PACRG: variants seen among roughly 807,000 people sequenced by gnomAD.
PACRG encodes the protein parkin coregulated gene protein.
A neutral mutation model predicts 29.7 loss-of-function variants in PACRG; 29 were observed. That is an observed-to-expected ratio of 0.98 (90% CI 0.73 to 1.33). The LOEUF (loss-of-function observed/expected upper bound fraction) is 1.33, where lower values mean the gene tolerates loss of function less well. PACRG is among the 40% of genes most tolerant of loss of function. The probability of loss-of-function intolerance (pLI) is 0.00; values close to 1 mark genes in which losing one functional copy is unlikely to be tolerated. For missense variants in PACRG, 279 were observed against 316.2 expected (o/e 0.88, Z 0.89); for synonymous variants, 116 against 118.7 (o/e 0.98, Z 0.15).
At chr6:162,854,106 C>G in intron 2 of PACRG, among the ~76,000 whole-genome samples, 1 of 150,144 alleles carries the variant, frequency 6.7e-6, no homozygotes, top group African/African-American at 2.4e-5. Flanking sequence ...TTGTATTTGC[C>G]TTATATATTT....
chr6:163,174,995 C>A (rs1252030893), intron 4 of PACRG, among the ~76,000 whole-genome samples: 3 of 152,196 alleles, frequency 2.0e-5, no homozygotes, highest in African/African-American at 4.8e-5. Flanking sequence ...GAAATATCAA[C>A]CAGGTGGACT....
At chr6:162,789,247 G>C (rs2128324014) in intron 1 of PACRG, among the ~76,000 whole-genome samples, 1 of 152,206 alleles carries the variant, frequency 6.6e-6, no homozygotes, top group South Asian at 2.1e-4. Context: ...TAAAAGCTTG[G>C]AACAATTTTC....
chr6:163,159,756 C>T (rs1306003430), intron 4 of PACRG, among the ~76,000 whole-genome samples: 2 of 152,150 alleles, frequency 1.3e-5, no homozygotes, highest in Non-Finnish European at 2.9e-5. Context: ...CAATAGTATT[C>T]TAAAGGAATA....
At chr6:162,949,189 A>G (rs982015569) in intron 2 of PACRG, among the ~76,000 whole-genome samples, 1 of 152,144 alleles carries the variant, frequency 6.6e-6, no homozygotes, top group Non-Finnish European at 1.5e-5. Context: ...AATTGAAATC[A>G]TGTCATTTGC....
chr6:163,161,166 A>C (rs1409640567), intron 4 of PACRG, among the ~76,000 whole-genome samples: 4 of 152,060 alleles, frequency 2.6e-5, no homozygotes, highest in African/African-American at 9.7e-5. Context: ...ATTTCAATAC[A>C]ATCCCATAGC....
intron 2 of PACRG, among the ~76,000 whole-genome samples, chr6:162,872,568 T>G (rs558542981): frequency 6.6e-6 from 1 of 152,256 alleles, no homozygotes; most frequent in South Asian, 2.1e-4. Flanking sequence ...AATAAATACA[T>G]AATTAGAAAA....
rs538858199 is a variant in PACRG, at chr6:163,198,094, A to G, written c.613+108686A>G. On this transcript the variant is annotated intron_variant, in intron 4 of 4. Coordinates refer to ENST00000366888, the MANE Select transcript of PACRG (RefSeq NM_001080379.2). ...TCTTGAGGAAAATTGGAGTGAGAGT[A>G]AAAACTTTGATTCACTCACATACTT... 2.0e-5 allele frequency among the ~76,000 whole-genome samples: 3 copies of G among 152,350 alleles called. No individual in the cohort carries two copies. The East Asian group carries it at 5.8e-4, about 29-fold the overall frequency.
intron 2 of PACRG, among the ~76,000 whole-genome samples, chr6:162,878,913 T>A (rs1487119266): frequency 6.6e-6 from 1 of 152,210 alleles, no homozygotes; most frequent in African/African-American, 2.4e-5. Flanking sequence ...TCTAGAAATA[T>A]TATTGCTATT....
At chr6:163,240,385 A>C (rs1782453258) in intron 4 of PACRG, among the ~76,000 whole-genome samples, 1 of 152,196 alleles carries the variant, frequency 6.6e-6, no homozygotes, top group Non-Finnish European at 1.5e-5. Context: ...GTGGCTGTTT[A>C]AGAGACAAGC....
intron 2 of PACRG, among the ~76,000 whole-genome samples, chr6:163,036,351 C>T (rs1043488677): frequency 1.3e-5 from 2 of 152,328 alleles, no homozygotes; most frequent in East Asian, 1.9e-4. Flanking sequence ...ATCTGACTCA[C>T]AGCCGCATTC....
At chr6:163,130,949 A>G (rs1453943490) in intron 4 of PACRG, among the ~76,000 whole-genome samples, 2 of 152,186 alleles carry the variant, frequency 1.3e-5, no homozygotes, top group Admixed American at 6.5e-5. Context: ...TAATTAGTTA[A>G]GATAAGGTCC....
intron 4 of PACRG, among the ~76,000 whole-genome samples, chr6:163,129,585 C>G (rs530444788): frequency 2.6e-5 from 4 of 152,328 alleles, no homozygotes; most frequent in Non-Finnish European, 5.9e-5. Flanking sequence ...TGACACAGTA[C>G]TCTGTGTCCA....
chr6:162,739,920 T>A (rs1428957928), intron 1 of PACRG, among the ~76,000 whole-genome samples: 3 of 152,090 alleles, frequency 2.0e-5, no homozygotes, highest in African/African-American at 7.2e-5. Flanking sequence ...TTCTTCTATG[T>A]GTTTTATTCT....
At chr6:162,928,743 T>C (rs1225748402) in intron 2 of PACRG, among the ~76,000 whole-genome samples, 1 of 151,900 alleles carries the variant, frequency 6.6e-6, no homozygotes, top group Non-Finnish European at 1.5e-5. Flanking sequence ...GCTATATGTA[T>C]GTATGTTTTT....
intron 4 of PACRG, among the ~76,000 whole-genome samples, chr6:163,281,071 G>A (rs187998285): frequency 1.4e-4 from 21 of 152,202 alleles, no homozygotes; most frequent in African/African-American, 7.2e-5. Flanking sequence ...TTGTGCATCC[G>A]GAGATGGGGG....
chr6:163,219,098 C>T (rs937838648), intron 4 of PACRG, among the ~76,000 whole-genome samples: 2 of 152,162 alleles, frequency 1.3e-5, no homozygotes, highest in Admixed American at 6.5e-5. Flanking sequence ...CCAGCTCTAA[C>T]CACCCCTCTA....
chr6:163,046,103 C>A (rs1465543629), intron 2 of PACRG, among the ~76,000 whole-genome samples: 1 of 151,896 alleles, frequency 6.6e-6, no homozygotes, highest in African/African-American at 2.4e-5. Flanking sequence ...CCTGCCAGTT[C>A]ATTCCAACTC....
At chr6:162,784,228 C>A (rs1315799108) in intron 1 of PACRG, among the ~76,000 whole-genome samples, 1 of 152,076 alleles carries the variant, frequency 6.6e-6, no homozygotes, top group East Asian at 1.9e-4. Context: ...AACCTCTTTT[C>A]TTTTTGAATA....
intron 2 of PACRG, among the ~76,000 whole-genome samples, chr6:162,903,627 A>G (rs1795724905): frequency 6.6e-6 from 1 of 152,184 alleles, no homozygotes; most frequent in Non-Finnish European, 1.5e-5. Flanking sequence ...CCCATGAGTC[A>G]GTTATCTCCC....
Sources: allele counts gnomAD v4.1 joint callset (sites outside exome capture counted in the v4.1 genomes callset), GRCh38; gene constraint gnomAD v4.1.1; transcripts MANE v1.5; gene names NCBI Gene and HGNC (gene_info 2026-07-23, HGNC 2026-07-21).